CES5A: variants seen among roughly 807,000 people sequenced by gnomAD.
The protein encoded by CES5A is carboxylesterase 5.
Under a neutral mutation model 62.9 loss-of-function variants are expected in CES5A, and 67 were observed. The observed-to-expected ratio is 1.07, with a 90% CI of 0.88 to 1.31. The LOEUF is 1.31. Among genes scored for constraint, CES5A ranks in the 50% most tolerant of loss-of-function variants. CES5A has a pLI of 0.00. For missense variants in CES5A, 748 were observed against 708.5 expected, an observed-to-expected ratio of 1.06 and a Z score of -0.63; for synonymous variants, 296 against 280.8, an observed-to-expected ratio of 1.05 and a Z score of -0.54.
chr16:55,861,870 G>A (rs2142398090), intron 6 of CES5A, among the ~76,000 whole-genome samples: 2 of 152,234 alleles, frequency 1.3e-5, no homozygotes, highest in East Asian at 3.9e-4. Context: ...GAGTCTAGAA[G>A]CCCAACCTTG....
intron 3 of CES5A, among the ~76,000 whole-genome samples, chr16:55,870,001 C>T (rs1369114348): frequency 6.6e-6 from 1 of 152,204 alleles, no homozygotes; most frequent in African/African-American, 2.4e-5. Context: ...TCATTTTTCT[C>T]ATCTGTAAAA....
At chr16:55,865,691 G>T (rs1253519886) in intron 5 of CES5A, among the ~76,000 whole-genome samples, 1 of 152,128 alleles carries the variant, frequency 6.6e-6, no homozygotes, top group Non-Finnish European at 1.5e-5. Flanking sequence ...GAATACTAGG[G>T]TTTCTCCTCT....
chr16:55,869,844 C>T, intron 3 of CES5A, 100 bp from the exon 4 acceptor site: 3 of 1,449,678 alleles, frequency 2.1e-6, no homozygotes, highest in Non-Finnish European at 2.8e-6. Context: ...ATAAATGTCC[C>T]ACTTGCTAAG....
intron 1 of CES5A, among the ~76,000 whole-genome samples, chr16:55,913,761 T>C (rs1364291851): frequency 1.3e-5 from 2 of 152,250 alleles, no homozygotes; most frequent in Non-Finnish European, 2.9e-5. Flanking sequence ...CAGCCTTCCC[T>C]GGTACAAAGA....
intron 1 of CES5A, among the ~76,000 whole-genome samples, chr16:55,902,294 T>C (rs1216512594): frequency 6.6e-6 from 1 of 152,142 alleles, no homozygotes; most frequent in African/African-American, 2.4e-5. Flanking sequence ...ATGTGACAAC[T>C]TCTGTCCAGT....
At chr16:55,878,938 A>C (rs1597131882), upstream of CES5A, among the ~76,000 whole-genome samples, 6 of 90,380 alleles carry the variant, frequency 6.6e-5, no homozygotes, top group Admixed American at 2.3e-4. Flanking sequence ...TGCACCTCCC[A>C]CTGCACCCCA....
chr16:55,925,854 A>G (rs1457121582), upstream of CES5A, among the ~76,000 whole-genome samples: 1 of 152,172 alleles, frequency 6.6e-6, no homozygotes, highest in East Asian at 1.9e-4. Flanking sequence ...TAGACAACCT[A>G]CAGAATAGGA....
chr16:55,894,612 C>A (rs1199207190), intron 1 of CES5A, among the ~76,000 whole-genome samples: 1 of 151,936 alleles, frequency 6.6e-6, no homozygotes, highest in East Asian at 1.9e-4. Flanking sequence ...CCCCATTTCT[C>A]CACAAAAACA....
chr16:55,941,878 A>G (rs530405875), intron 2 of CES5A, among the ~76,000 whole-genome samples: 1 of 152,286 alleles, frequency 6.6e-6, no homozygotes, highest in East Asian at 1.9e-4. Flanking sequence ...AGAACAGTAC[A>G]TCCTTCCAAA....
At chr16:55,948,898 T>C (rs2142486022) in intron 2 of CES5A, among the ~76,000 whole-genome samples, 2 of 152,298 alleles carry the variant, frequency 1.3e-5, no homozygotes, top group South Asian at 4.1e-4. Flanking sequence ...ACTGACTGAA[T>C]AGATGTAGTT....
At chr16:55,881,683 T>C (rs1221095202) in intron 1 of CES5A, among the ~76,000 whole-genome samples, 1 of 152,174 alleles carries the variant, frequency 6.6e-6, no homozygotes, top group Non-Finnish European at 1.5e-5. Flanking sequence ...TCTCCTAGAA[T>C]GAGGGACTCA....
At chr16:55,948,647 T>C (rs1176479080) in intron 2 of CES5A, among the ~76,000 whole-genome samples, 1 of 152,212 alleles carries the variant, frequency 6.6e-6, no homozygotes, top group Non-Finnish European at 1.5e-5. Context: ...AGCTTAACTT[T>C]TCCCTTGACA....
intron 1 of CES5A, among the ~76,000 whole-genome samples, chr16:55,884,107 T>C (rs185815102): frequency 5.3e-5 from 8 of 152,368 alleles, no homozygotes; most frequent in Non-Finnish European, 8.8e-5. Context: ...TCATGGTATA[T>C]ACTTGCTGCA....
intron 11 of CES5A, among the ~76,000 whole-genome samples, chr16:55,849,277 A>G (rs1405975878): frequency 6.6e-6 from 1 of 152,090 alleles, no homozygotes; most frequent in Non-Finnish European, 1.5e-5. Context: ...TTGTGGCCTC[A>G]TGGGATTTCT....
intron 2 of CES5A, among the ~76,000 whole-genome samples, chr16:55,944,971 G>A (rs377684495): frequency 1.7e-4 from 26 of 152,246 alleles, no homozygotes; most frequent in Middle Eastern, 3.4e-3. Context: ...GTTCAAATCC[G>A]CCTCTGCTTC....
chr16:55,864,786 G>T (rs1316262178), intron 5 of CES5A, among the ~76,000 whole-genome samples: 2 of 152,144 alleles, frequency 1.3e-5, no homozygotes, highest in Non-Finnish European at 2.9e-5. Context: ...GCGCATGCCT[G>T]TAGTCCTAGC....
At chr16:55,872,670 T>C (rs916458453) in intron 2 of CES5A, among the ~76,000 whole-genome samples, 1 of 152,218 alleles carries the variant, frequency 6.6e-6, no homozygotes, top group African/African-American at 2.4e-5. Context: ...GACAGGTGTT[T>C]ATGCCTCCTT....
At chr16:55,925,459 CT>C (rs2034249188) in exon 1 of CES5A, 1 of 151,936 alleles carries the variant, frequency 6.6e-6, no homozygotes, top group Non-Finnish European at 1.5e-5. Flanking sequence ...TTGGAGTTTC[CT>C]CAGAAAACTA....
In CES5A at chr16:55,861,529, G is replaced by A. The variant is rs773420402; in HGVS notation, c.811-13C>T. On this transcript the variant is annotated splice_polypyrimidine_tract_variant and intron_variant, in intron 6 of 12. Coordinates refer to ENST00000290567, the MANE Select transcript of CES5A (RefSeq NM_001143685.2). ...CAACCACCTGCAGCTATTTTGTAGA[G>A]AAGGACCGGGTTAGAGCATGATATT... The A allele has an allele frequency of 1.3e-6, 2 of 1,571,530 alleles. No homozygotes were observed. The highest frequency in any genetic ancestry group is 2.7e-5 in the African/African-American group (2 of 74,268).
Sources: allele counts gnomAD v4.1 joint callset (sites outside exome capture counted in the v4.1 genomes callset), GRCh38; gene constraint gnomAD v4.1.1; transcripts MANE v1.5; gene names NCBI Gene and HGNC (gene_info 2026-07-23, HGNC 2026-07-21).